PCDHA12: variants seen among roughly 807,000 people sequenced by gnomAD.
PCDHA12 encodes protocadherin alpha 12, also known as protocadherin alpha-12.
In PCDHA12, 44 loss-of-function variants were observed where a neutral mutation model predicts 60.0. That is an observed-to-expected ratio of 0.73 (90% CI 0.58 to 0.94). The LOEUF is 0.94. Among genes scored for constraint, PCDHA12 ranks in the 40% least tolerant of loss-of-function variants. The pLI is 0.00. For synonymous variants in PCDHA12, 569 were observed against 553.0 expected, an observed-to-expected ratio of 1.03 and a Z score of -0.40; for missense variants, 1,276 against 1,239.7, an observed-to-expected ratio of 1.03 and a Z score of -0.44.
Position 140,875,412 on chromosome 5 carries a change from A to G in PCDHA12, c.-61A>G. The G allele has an allele frequency of 2.7e-6, 4 of 1,505,550 alleles. No individual in the cohort carries two copies. Among genetic ancestry groups the G allele is most frequent in the Non-Finnish European group, 3.5e-6 (4 of 1,129,616 alleles). 93.3% of individuals were successfully genotyped at this position (1,505,550 alleles called of 1,614,324 possible). Reference sequence around the variant, plus strand: ...AGAAAAGGGTGACTGCTCATAAAATACCTCAGGCAAGCGATCCCTTAAAAC... The same window carrying G: ...AGAAAAGGGTGACTGCTCATAAAATGCCTCAGGCAAGCGATCCCTTAAAAC... On this transcript the variant is annotated 5_prime_UTR_variant, in exon 1 of 4. It adds an upstream start codon to the 5' untranslated region. Transcript: ENST00000398631.
At chr5:140,933,721 C>T (rs957167505) in intron 1 of PCDHA12, among the ~76,000 whole-genome samples, 1 of 151,982 alleles carries the variant, frequency 6.6e-6, no homozygotes, top group African/African-American at 2.4e-5. Flanking sequence ...ATTGGTGATA[C>T]AGCTTTCTTA....
intron 1 of PCDHA12, among the ~76,000 whole-genome samples, chr5:140,924,894 CAAAA>C (rs782133089): frequency 1.1e-4 from 8 of 71,470 alleles, no homozygotes; most frequent in African/African-American, 3.4e-4. Flanking sequence ...GAACCTGTCT[CAAAA>C]AAAAAAATAA....
chr5:140,972,837 T>C (rs1328315293), intron 1 of PCDHA12, among the ~76,000 whole-genome samples: 1 of 152,004 alleles, frequency 6.6e-6, no homozygotes, highest in Non-Finnish European at 1.5e-5. Context: ...CTAATTTTTG[T>C]ATTTTTAGTA....
At position 140,967,525 on chromosome 5, in the gene PCDHA12, C is replaced by T. The variant is rs368677084; in HGVS notation, c.2368-11424C>T. The stretch of plus-strand genomic sequence containing the variant: ...TGCGTGTCCTGGACACTAACGACAA[C>T]TCTCCTGCCTTTGACCAGTCCACTT... On this transcript the variant is annotated intron_variant, in intron 1 of 3. Coordinates refer to ENST00000398631, the MANE Select transcript of PCDHA12 (RefSeq NM_018903.4). 3.7e-5 allele frequency: 59 copies of T among 1,613,048 alleles called. No individual in the cohort carries two copies. The African/African-American group carries it at 7.3e-4, about 20-fold the overall frequency.
intron 3 of PCDHA12, among the ~76,000 whole-genome samples, chr5:140,994,024 A>G (rs1440214596): frequency 6.6e-6 from 1 of 152,234 alleles, no homozygotes; most frequent in East Asian, 1.9e-4. Context: ...TGATGCAGAT[A>G]TAATATTAAA....
At chr5:140,959,602 CT>C (rs1554224184) in intron 1 of PCDHA12, among the ~76,000 whole-genome samples, 1 of 152,008 alleles carries the variant, frequency 6.6e-6, no homozygotes, top group Admixed American at 6.6e-5. Flanking sequence ...GTATAACATG[CT>C]TTTCTTGCTT....
chr5:140,947,580 A>G (rs1031254382), intron 1 of PCDHA12, among the ~76,000 whole-genome samples: 2 of 151,664 alleles, frequency 1.3e-5, no homozygotes, highest in Non-Finnish European at 3.0e-5. Context: ...TGTTTTTAAC[A>G]TTTAGATCAA....
chr5:140,970,912 T>C (rs1035265875), intron 1 of PCDHA12, among the ~76,000 whole-genome samples: 3 of 152,212 alleles, frequency 2.0e-5, no homozygotes, highest in Non-Finnish European at 2.9e-5. Flanking sequence ...TTTATTCATT[T>C]ATCAGAAGTG....
At chr5:140,967,373 A>C in intron 1 of PCDHA12, 1 of 1,607,416 alleles carries the variant, frequency 6.2e-7, no homozygotes, top group Non-Finnish European at 8.5e-7. Flanking sequence ...CCTGCAGGAG[A>C]ACAGTAAAGT....
intron 1 of PCDHA12, among the ~76,000 whole-genome samples, chr5:140,948,500 T>C (rs1482428616): frequency 6.6e-6 from 1 of 151,662 alleles, no homozygotes; most frequent in Non-Finnish European, 1.5e-5. Context: ...TCATAGACTT[T>C]CTATTAAAAA....
chr5:140,965,424 G>A (rs2095899424), intron 1 of PCDHA12, among the ~76,000 whole-genome samples: 1 of 152,086 alleles, frequency 6.6e-6, no homozygotes, highest in African/African-American at 2.4e-5. Flanking sequence ...AGGAAGATAA[G>A]CTGCAGTCAT....
chr5:140,918,703 A>G (rs2153549940), intron 1 of PCDHA12, among the ~76,000 whole-genome samples: 1 of 152,306 alleles, frequency 6.6e-6, no homozygotes, highest in Non-Finnish European at 1.5e-5. Context: ...TTAAGTCATG[A>G]GGGCAGAGCC....
intron 1 of PCDHA12, among the ~76,000 whole-genome samples, chr5:140,899,376 A>G (rs2153463773): frequency 6.6e-6 from 1 of 152,262 alleles, no homozygotes; most frequent in South Asian, 2.1e-4. Flanking sequence ...TCAATACCTA[A>G]TTTATTGAGA....
At chr5:140,927,524 C>T in intron 1 of PCDHA12, 3 of 1,614,104 alleles carry the variant, frequency 1.9e-6, no homozygotes, top group Non-Finnish European at 2.5e-6. Flanking sequence ...GGCGGGCTAC[C>T]TGCCCGCTCA....
intron 1 of PCDHA12, among the ~76,000 whole-genome samples, chr5:140,891,445 G>T (rs1036846382): frequency 6.7e-6 from 1 of 148,520 alleles, no homozygotes; most frequent in Non-Finnish European, 1.5e-5. Context: ...CCATTGTATA[G>T]GATTTTTGAA....
intron 1 of PCDHA12, among the ~76,000 whole-genome samples, chr5:140,885,620 G>A (rs1480920354): frequency 1.3e-5 from 2 of 152,120 alleles, no homozygotes; most frequent in Non-Finnish European, 2.9e-5. Context: ...TATAAAATAT[G>A]TCACTGGATT....
chr5:140,891,235 G>T (rs186707439), intron 1 of PCDHA12, among the ~76,000 whole-genome samples: 48 of 152,092 alleles, frequency 3.2e-4, no homozygotes, highest in African/African-American at 1.1e-3. Flanking sequence ...TCCTGTTCTG[G>T]ATTCAGTAGG....
chr5:140,977,923 C>T (rs573696974), intron 1 of PCDHA12, among the ~76,000 whole-genome samples: 2 of 151,828 alleles, frequency 1.3e-5, no homozygotes, highest in Admixed American at 1.3e-4. Flanking sequence ...TTTTTTCATT[C>T]AACTATACCT....
intron 1 of PCDHA12, among the ~76,000 whole-genome samples, chr5:140,931,051 G>A (rs1460771235): frequency 6.6e-6 from 1 of 152,134 alleles, no homozygotes; most frequent in African/African-American, 2.4e-5. Flanking sequence ...AAACTTCAAT[G>A]CTGTGTCTGG....
Sources: gnomAD v4.1 joint callset for allele counts (sites outside exome capture counted in the v4.1 genomes callset) on GRCh38, gnomAD v4.1.1 for gene constraint, MANE v1.5 for transcripts, NCBI Gene and HGNC (gene_info 2026-07-23, HGNC 2026-07-21) for gene names.